PLEKHA8: variants seen among roughly 807,000 people sequenced by gnomAD.
PLEKHA8 encodes pleckstrin homology domain-containing family A member 8.
PLEKHA8 carries 36 observed loss-of-function variants against 68.2 expected under a neutral mutation model. That is an observed-to-expected ratio of 0.53 (90% confidence interval 0.40 to 0.70). PLEKHA8 has a LOEUF of 0.70. Among genes scored for constraint, PLEKHA8 ranks in the 30% least tolerant of loss-of-function variants. The pLI, the probability that PLEKHA8 is intolerant of heterozygous loss-of-function variation, is 0.00. For missense variants in PLEKHA8, 505 were observed against 615.4 expected, an observed-to-expected ratio of 0.82 and a Z score of 1.90; for synonymous variants, 211 against 216.1, an observed-to-expected ratio of 0.98 and a Z score of 0.20.
At position 30,028,427 on chromosome 7, in the gene PLEKHA8, C is replaced by T. The variant is rs1790365103; in HGVS notation, c.-336C>T. ...GGGTTCAGGTGGTGCGCCGTGGCGCCGCCTGCGACCGGCAGCTCGTTCGCC... is the reference window on the plus strand; with the variant it reads ...GGGTTCAGGTGGTGCGCCGTGGCGCTGCCTGCGACCGGCAGCTCGTTCGCC... On this transcript the variant is annotated 5_prime_UTR_variant, in exon 1 of 14. Transcript: ENST00000449726. 2 of 256,704 alleles carry T rather than the reference C, an allele frequency of 7.8e-6. No individual in the cohort carries two copies. Among genetic ancestry groups the T allele is most frequent in the Non-Finnish European group, 1.5e-5 (2 of 135,396 alleles). 15.9% of individuals were successfully genotyped at this position (256,704 alleles called of 1,614,324 possible). A position where few individuals can be genotyped will look rare whatever the true frequency, so the allele number is the denominator to read the frequency against.
At position 30,098,540 on chromosome 7, in the gene PLEKHA8, C is replaced by T. The variant is rs1412819384; in HGVS notation, c.1362+24408C>T. Among the ~76,000 whole-genome samples the T allele has an allele frequency of 2.6e-5, 4 of 152,358 alleles. 1 individual carries two copies. The South Asian group carries it at 6.2e-4, about 24-fold the overall frequency. On this transcript the variant is annotated intron_variant, in intron 13 of 13. Transcript: ENST00000396257. ...AACTAACTCGGCAATGGCAGGTGCC[C>T]GTCCCCCAGCCTCGCTGCCGCCTTG...
At chr7:30,128,843 C>A (rs1796826331) in intron 13 of PLEKHA8, among the ~76,000 whole-genome samples, 1 of 152,166 alleles carries the variant, frequency 6.6e-6, no homozygotes, top group Admixed American at 6.5e-5. Context: ...GAAGGGGAGC[C>A]TGTGTGGAGA....
intron 4 of PLEKHA8, among the ~76,000 whole-genome samples, chr7:30,048,316 A>G (rs1157572276): frequency 1.3e-5 from 2 of 152,128 alleles, no homozygotes; most frequent in Admixed American, 1.3e-4. Flanking sequence ...TCCAGTTTAT[A>G]TTGTTTTGTT....
At chr7:30,059,347 C>T (rs181626221) in intron 9 of PLEKHA8, among the ~76,000 whole-genome samples, 15 of 152,118 alleles carry the variant, frequency 9.9e-5, no homozygotes, top group Admixed American at 9.8e-4. Context: ...TGTTTATATG[C>T]TGAGTTGTTT....
chr7:30,088,410 T>C (rs994739323), downstream of PLEKHA8, among the ~76,000 whole-genome samples: 20 of 152,188 alleles, frequency 1.3e-4, no homozygotes, highest in African/African-American at 4.6e-4. Context: ...ATCACTTATA[T>C]CTGGGCATCT....
chr7:30,062,547 A>G (rs532705940), intron 11 of PLEKHA8, 125 bp from the exon 12 acceptor site: 14 of 714,408 alleles, frequency 2.0e-5, no homozygotes, highest in Admixed American at 1.8e-4. Context: ...CTGCCATATG[A>G]TTTGACCTAT....
intron 12 of PLEKHA8, among the ~76,000 whole-genome samples, chr7:30,069,494 C>T (rs1475852739): frequency 6.6e-6 from 1 of 152,192 alleles, no homozygotes. Context: ...TGTTCACCAA[C>T]AGTAATGGAA....
chr7:30,079,428 T>G lies in PLEKHA8; in HGVS notation c.*641T>G. On this transcript the variant is annotated 3_prime_UTR_variant, in exon 14 of 14. Coordinates refer to ENST00000449726, the MANE Select transcript of PLEKHA8 (RefSeq NM_001197026.2). ...GAAACCGTTGCTCTGAGAAGATTAA[T>G]GGTGTGCCCTAGCCCCAAGTTGGAG... The G allele has an allele frequency of 1.0e-6, 1 of 985,582 alleles. No individual in the cohort carries two copies. The highest frequency in any genetic ancestry group is 4.7e-5 in the South Asian group (1 of 21,292). 61.1% of individuals were successfully genotyped at this position (985,582 alleles called of 1,614,324 possible). A position where few individuals can be genotyped will look rare whatever the true frequency, so the allele number is the denominator to read the frequency against.
At chr7:30,069,743 A>C (rs1794112867) in intron 12 of PLEKHA8, 1 of 152,162 alleles carries the variant, frequency 6.6e-6, no homozygotes, top group South Asian at 2.1e-4. Context: ...CCCAGGTCTC[A>C]TTGCTTTTAA....
chr7:30,056,785 G>GTGTA (rs1399727079), intron 9 of PLEKHA8, among the ~76,000 whole-genome samples: 1 of 82,352 alleles, frequency 1.2e-5, no homozygotes, highest in African/African-American at 4.7e-5. Flanking sequence ...GTGTGTGTGT[G>GTGTA]TATATATATA....
intron 12 of PLEKHA8, among the ~76,000 whole-genome samples, chr7:30,073,192 T>C (rs938632964): frequency 7.2e-5 from 11 of 152,242 alleles, no homozygotes; most frequent in South Asian, 2.1e-4. Flanking sequence ...CCAATTACTT[T>C]AGCTTAATAA....
chr7:30,127,993 T>A (rs527409648), intron 13 of PLEKHA8, among the ~76,000 whole-genome samples: 1 of 152,140 alleles, frequency 6.6e-6, no homozygotes, highest in Non-Finnish European at 1.5e-5. Context: ...TCCTTTAAAG[T>A]TATTTGCCTA....
At chr7:30,048,543 T>C (rs182671659) in intron 4 of PLEKHA8, among the ~76,000 whole-genome samples, 1 of 151,364 alleles carries the variant, frequency 6.6e-6, no homozygotes, top group Non-Finnish European at 1.5e-5. Context: ...ATACAGTCAT[T>C]ATTCATTTAT....
intron 1 of PLEKHA8, among the ~76,000 whole-genome samples, chr7:30,035,912 T>C (rs113025336): frequency 0.28 from 42,200 of 151,670 alleles, 6,313 homozygotes; most frequent in African/African-American, 0.38. Flanking sequence ...TCCCAAAGTG[T>C]TGGGATTACA....
intron 13 of PLEKHA8, among the ~76,000 whole-genome samples, chr7:30,102,393 C>T (rs1033281422): frequency 2.6e-5 from 4 of 152,194 alleles, no homozygotes; most frequent in African/African-American, 9.6e-5. Context: ...CATAGAATTA[C>T]GTTATGATCC....
chr7:30,068,296 A>G (rs1794005244), intron 12 of PLEKHA8, among the ~76,000 whole-genome samples: 2 of 152,238 alleles, frequency 1.3e-5, no homozygotes, highest in African/African-American at 2.4e-5. Flanking sequence ...GCTGAACCAC[A>G]TGACTAGATA....
chr7:30,059,401 A>G (rs1793253542), intron 9 of PLEKHA8, among the ~76,000 whole-genome samples: 1 of 152,036 alleles, frequency 6.6e-6, no homozygotes, highest in Admixed American at 6.5e-5. Flanking sequence ...CTTTTTCTGT[A>G]TTTGCTGAAG....
At position 30,079,314 on chromosome 7, in the gene PLEKHA8, A is replaced by G. The variant is rs928440056; in HGVS notation, c.*527A>G. 1.0e-6 allele frequency: 1 copy of G among 987,018 alleles called. No individual in the cohort carries two copies. The highest frequency in any genetic ancestry group is 1.7e-5 in the African/African-American group (1 of 57,218). The allele number at this position is 987,018 out of a possible 1,614,324, so 61.1% of individuals were successfully genotyped here. ...CTCTGTCAGTGATAAGGGCCTGTGT[A>G]GTAAAGATGTTCAGGGCATTCACAT... On this transcript the variant is annotated 3_prime_UTR_variant, in exon 14 of 14. Coordinates refer to ENST00000449726, the MANE Select transcript of PLEKHA8 (RefSeq NM_001197026.2).
intron 13 of PLEKHA8, among the ~76,000 whole-genome samples, chr7:30,110,352 G>C (rs1053227359): frequency 6.6e-6 from 1 of 152,128 alleles, no homozygotes; most frequent in Non-Finnish European, 1.5e-5. Context: ...TTAGTACTTC[G>C]TTCCTTTATA....
Sources: gnomAD v4.1 joint callset for allele counts (sites outside exome capture counted in the v4.1 genomes callset) on GRCh38, gnomAD v4.1.1 for gene constraint, MANE v1.5 for transcripts, NCBI Gene and HGNC (gene_info 2026-07-23, HGNC 2026-07-21) for gene names.